UGT1A3: variants seen among roughly 807,000 people sequenced by gnomAD.
UGT1A3 encodes UDP glucuronosyltransferase family 1 member A3, also known as UDP-glucuronosyltransferase 1A3.
Under a neutral mutation model 41.0 loss-of-function variants are expected in UGT1A3, and 31 were observed. The ratio of observed to expected loss-of-function variants is 0.76; its 90% CI spans 0.57 to 1.02. The LOEUF is 1.02. UGT1A3 is among the 50% of genes least tolerant of loss of function. The pLI, the probability that UGT1A3 is intolerant of heterozygous loss-of-function variation, is 0.00. For synonymous variants in UGT1A3, 262 were observed against 257.6 expected, an observed-to-expected ratio of 1.02 and a Z score of -0.17; for missense variants, 737 against 671.0, an observed-to-expected ratio of 1.10 and a Z score of -1.09.
At chr2:233,750,013 A>T (rs1694334722) in intron 1 of UGT1A3, among the ~76,000 whole-genome samples, 1 of 151,828 alleles carries the variant, frequency 6.6e-6, no homozygotes, top group East Asian at 1.9e-4. Context: ...TGCCATGGAG[A>T]GTGGAGTACT....
intron 1 of UGT1A3, chr2:233,744,072 T>C (rs1692686314): frequency 2.1e-6 from 1 of 476,432 alleles, no homozygotes; most frequent in South Asian, 2.0e-5. Context: ...TATGAGCGCC[T>C]CGCATCCCAA....
intron 1 of UGT1A3, among the ~76,000 whole-genome samples, chr2:233,757,460 G>A (rs34757826): frequency 4.7e-5 from 7 of 149,338 alleles, no homozygotes; most frequent in Non-Finnish European, 7.4e-5. Context: ...TGTCCAGAGC[G>A]CTTACTGTCT....
At chr2:233,736,685 C>G (rs1295548714) in intron 1 of UGT1A3, among the ~76,000 whole-genome samples, 6 of 152,124 alleles carry the variant, frequency 3.9e-5, no homozygotes, top group African/African-American at 1.4e-4. Flanking sequence ...TGTTGGTGAC[C>G]TACAGATGGG....
intron 1 of UGT1A3, among the ~76,000 whole-genome samples, chr2:233,757,560 A>ATATATATATATATATACATATATATATG (rs904896556): frequency 8.1e-6 from 1 of 123,146 alleles, no homozygotes; most frequent in African/African-American, 3.4e-5. Context: ...ATATATATAT[A>ATATATATATATATATACATATATATATG]TGTATATATG....
chr2:233,766,377 A>G (rs1392093575), intron 1 of UGT1A3, among the ~76,000 whole-genome samples: 1 of 151,914 alleles, frequency 6.6e-6, no homozygotes. Flanking sequence ...AGTTCTTCTC[A>G]ATGTCCAGCT....
intron 1 of UGT1A3, among the ~76,000 whole-genome samples, chr2:233,736,359 A>G (rs2078753406): frequency 6.6e-6 from 1 of 152,150 alleles, no homozygotes; most frequent in Admixed American, 6.5e-5. Flanking sequence ...TTTCAGCTCC[A>G]TCAGGTCATT....
rs760591415 is a variant in UGT1A3 at position 233,729,861 on chromosome 2, G to A, written c.735G>A (p.Val245=). ...ASELFQREVS[V]VDILSHASVW... ...AGCTTTTTCAGAGAGAGGTGTCAGTGGTGGATATTCTCAGTCATGCATCTG... is the reference window on the plus strand; with the variant it reads ...AGCTTTTTCAGAGAGAGGTGTCAGTAGTGGATATTCTCAGTCATGCATCTG... Residue 245 remains valine, a synonymous_variant, in exon 1 of 5, where the codon GTG becomes GTA. Coordinates refer to ENST00000482026, the MANE Select transcript of UGT1A3 (RefSeq NM_019093.4). 11 of 1,613,756 alleles carry A rather than the reference G, an allele frequency of 6.8e-6. No individual in the cohort carries two copies. Among genetic ancestry groups the A allele is most frequent in the Non-Finnish European group, 8.5e-7 (1 of 1,179,860 alleles).
chr2:233,736,629 C>G (rs558858921), intron 1 of UGT1A3, among the ~76,000 whole-genome samples: 2 of 152,326 alleles, frequency 1.3e-5, no homozygotes, highest in South Asian at 2.1e-4. Flanking sequence ...CTTTTCTGCT[C>G]TAGTTTCCCC....
intron 3 of UGT1A3, 26 bp downstream of exon 3, chr2:233,767,962 G>C (rs775218208): frequency 6.2e-7 from 1 of 1,614,120 alleles, no homozygotes; most frequent in Non-Finnish European, 8.5e-7. Context: ...TGGATGTATA[G>C]GTCAAACCAG....
chr2:233,729,203 C>T lies in UGT1A3; in HGVS notation c.77C>T (p.Ala26Val). ...LLLLLSVQPW[A>V]ESGKVLVVPI... ...CTTCTCCTCAGTGTCCAGCCCTGGG[C>T]TGAGAGTGGAAAGGTGTTGGTGGTG... The change falls in exon 1 of 5, where the codon GCT becomes GTT. Residue 26 changes from alanine to valine, a missense_variant. Transcript: ENST00000482026. The T allele has an allele frequency of 6.2e-7, 1 of 1,614,022 alleles. No individual in the cohort carries two copies. The highest frequency in any genetic ancestry group is 8.5e-7 in the Non-Finnish European group (1 of 1,179,930).
Position 233,769,424 on chromosome 2 carries a change from G to T in UGT1A3, c.1307+985G>T. 2 of 1,481,600 alleles carry T rather than the reference G, an allele frequency of 1.3e-6. No homozygotes were observed. The highest frequency in any genetic ancestry group is 1.8e-4 in the Middle Eastern group (1 of 5,630). 91.8% of individuals were successfully genotyped at this position (1,481,600 alleles called of 1,614,324 possible). Reference sequence around the variant, plus strand: ...ATGTGCGTGTGCGTTTGTGCATGTGGCTGTGCTCATGTGTGGGTGCACACG... The same window carrying T: ...ATGTGCGTGTGCGTTTGTGCATGTGTCTGTGCTCATGTGTGGGTGCACACG... On this transcript the variant is annotated intron_variant, in intron 4 of 4. Coordinates refer to ENST00000482026, the MANE Select transcript of UGT1A3 (RefSeq NM_019093.4). This position sits in a 1 kb window ranked among gnomAD's most constrained non-coding sequence, Gnocchi z 4.4.
In UGT1A3 at chr2:233,772,606, T is replaced by C. The variant is rs34895241; in HGVS notation, c.*47T>C. 98 of 1,584,170 alleles carry C rather than the reference T, an allele frequency of 6.2e-5. No homozygotes were observed. Among genetic ancestry groups the C allele is most frequent in the Admixed American group, 4.5e-4 (25 of 55,206 alleles). On this transcript the variant is annotated 3_prime_UTR_variant, in exon 5 of 5. Transcript: ENST00000482026. The stretch of plus-strand genomic sequence containing the variant: ...AAAATTTTGAACCATTCCCTAGTCA[T>C]TTCCAAACTTGAAAACAGAATCAGT...
Position 233,772,266 on chromosome 2 carries a change from AAGG to A in UGT1A3, c.1315_1317del (p.Glu439del). ...CGAAACTGTCTTTGTGTTTAGTTAC[AAGG>A]AGAACATCATGCGCCTCTCCAGCCT... is the stretch of plus-strand genomic sequence containing the variant. On this transcript the variant is annotated inframe_deletion, in exon 5 of 5. Coordinates refer to ENST00000482026, the MANE Select transcript of UGT1A3 (RefSeq NM_019093.4). 1 of 1,614,262 alleles carries A rather than the reference AAGG, an allele frequency of 6.2e-7. No homozygotes were observed. The highest frequency in any genetic ancestry group is 8.5e-7 in the Non-Finnish European group (1 of 1,180,048).
In UGT1A3 at chr2:233,768,589, T is replaced by TC. The variant is rs1441142658; in HGVS notation, c.1307+150_1307+151insC. The TC allele has an allele frequency of 2.3e-4, 239 of 1,048,606 alleles. No individual in the cohort carries two copies. In the East Asian group the frequency reaches 3.3e-3, roughly 15 times the overall value. 65.0% of individuals were successfully genotyped at this position (1,048,606 alleles called of 1,614,324 possible). A position where few individuals can be genotyped will look rare whatever the true frequency, so the allele number is the denominator to read the frequency against. ...TCTGGATTTTTATTTCTTCTTTTTT[T>TC]TTTTTTTTTTTTTTTGAGATGGAGT... On this transcript the variant is annotated intron_variant, in intron 4 of 4. Transcript: ENST00000482026.
At chr2:233,758,273 A>AG (rs1696835032) in intron 1 of UGT1A3, among the ~76,000 whole-genome samples, 1 of 152,232 alleles carries the variant, frequency 6.6e-6, no homozygotes, top group Non-Finnish European at 1.5e-5. Flanking sequence ...TTCTTGGTCA[A>AG]GGGCAGAGCT....
chr2:233,731,651 A>G (rs190900877), intron 1 of UGT1A3, among the ~76,000 whole-genome samples: 118 of 152,290 alleles, frequency 7.7e-4, no homozygotes, highest in Admixed American at 1.5e-3. Context: ...TCCATGGTGT[A>G]TATGTGCCAC....
At chr2:233,757,197 C>T (rs941417782) in intron 1 of UGT1A3, among the ~76,000 whole-genome samples, 2 of 149,716 alleles carry the variant, frequency 1.3e-5, no homozygotes, top group Non-Finnish European at 3.0e-5. Flanking sequence ...TCTGAATTTT[C>T]TGTGCCCAGG....
At chr2:233,735,445 G>C (rs1440470115) in intron 1 of UGT1A3, among the ~76,000 whole-genome samples, 1 of 152,036 alleles carries the variant, frequency 6.6e-6, no homozygotes, top group Non-Finnish European at 1.5e-5. Flanking sequence ...GCATACCGAT[G>C]GGCCTTGACT....
chr2:233,751,617 G>A (rs1403670547), intron 1 of UGT1A3, among the ~76,000 whole-genome samples: 1 of 152,198 alleles, frequency 6.6e-6, no homozygotes, highest in African/African-American at 2.4e-5. Flanking sequence ...GGAGGTGATT[G>A]GATCATGTGT....
Sources: gnomAD v4.1 joint callset for allele counts (sites outside exome capture counted in the v4.1 genomes callset) on GRCh38, gnomAD v4.1.1 for gene constraint, Gnocchi (gnomAD v3.1) non-coding constraint, MANE v1.5 for transcripts, NCBI Gene and HGNC (gene_info 2026-07-23, HGNC 2026-07-21) for gene names.